PID1: variants seen among roughly 807,000 people sequenced by gnomAD.
PID1 encodes the protein phosphotyrosine interaction domain containing 1, also known as PTB-containing, cubilin and LRP1-interacting protein.
PID1 carries 10 observed loss-of-function variants against 19.1 expected under a neutral mutation model. The ratio of observed to expected loss-of-function variants is 0.52; its 90% CI spans 0.32 to 0.89. The LOEUF (loss-of-function observed/expected upper bound fraction) is 0.89, where lower values mean the gene tolerates loss of function less well. PID1 is among the 40% of genes least tolerant of loss of function. The probability of loss-of-function intolerance (pLI) is 0.03; values close to 1 mark genes in which losing one functional copy is unlikely to be tolerated. For synonymous variants in PID1, 130 were observed against 116.0 expected, an observed-to-expected ratio of 1.12 and a Z score of -0.78; for missense variants, 248 against 285.3, an observed-to-expected ratio of 0.87 and a Z score of 0.94.
At chr2:229,169,526 A>T (rs563236302) in intron 1 of PID1, among the ~76,000 whole-genome samples, 1 of 152,332 alleles carries the variant, frequency 6.6e-6, no homozygotes, top group South Asian at 2.1e-4. Flanking sequence ...TCAGTTAAAA[A>T]TTAATACATT....
intron 1 of PID1, among the ~76,000 whole-genome samples, chr2:229,237,400 T>C (rs1342588235): frequency 1.3e-5 from 2 of 152,326 alleles, no homozygotes; most frequent in East Asian, 1.9e-4. Context: ...CATTCAAGCG[T>C]ATCCCCTATA....
chr2:229,139,504 T>C (rs1689967381), intron 2 of PID1, among the ~76,000 whole-genome samples: 1 of 152,196 alleles, frequency 6.6e-6, no homozygotes, highest in Non-Finnish European at 1.5e-5. Flanking sequence ...TGAACTCTTC[T>C]AGCTGTGAAC....
chr2:229,105,501 C>T (rs953136694), intron 2 of PID1, among the ~76,000 whole-genome samples: 1 of 152,200 alleles, frequency 6.6e-6, no homozygotes, highest in African/African-American at 2.4e-5. Context: ...ATGGGTGGGG[C>T]TAGGGGCAAG....
At chr2:229,108,005 C>T (rs1695213121) in intron 2 of PID1, among the ~76,000 whole-genome samples, 1 of 152,200 alleles carries the variant, frequency 6.6e-6, no homozygotes. Context: ...GTGCAACACA[C>T]ATACACACCG....
intron 1 of PID1, among the ~76,000 whole-genome samples, chr2:229,195,534 CCTA>C (rs1691360233): frequency 6.6e-6 from 1 of 151,696 alleles, no homozygotes; most frequent in Non-Finnish European, 1.5e-5. Flanking sequence ...CACGATGTTC[CCTA>C]CTTTGTTAAT....
Position 229,113,597 on chromosome 2 carries a change from T to TGTGTGTGC in PID1, c.177+42220_177+42221insGCACACAC, listed in dbSNP as rs1491534314. Among the ~76,000 whole-genome samples, 147 of 22,678 alleles carry TGTGTGTGC rather than the reference T, an allele frequency of 6.5e-3. 2 individuals are homozygous for TGTGTGTGC. Among genetic ancestry groups the TGTGTGTGC allele is most frequent in the South Asian group, 0.061 (81 of 1,334 alleles). The allele number at this position is 22,678 out of a possible 152,430, so 14.9% of individuals were successfully genotyped here. On this transcript the variant is annotated intron_variant, in intron 2 of 2. Coordinates refer to ENST00000392055, the MANE Select transcript of PID1 (RefSeq NM_001100818.2). ...ATGTGTGTATGTGTGTATGCATATATGTGTGTGTGTGTGTGTGTGTGTGTG... is the reference window on the plus strand; with the variant it reads ...ATGTGTGTATGTGTGTATGCATATATGTGTGTGCGTGTGTGTGTGTGTGTGTGTGTGTG...
chr2:229,069,178 TGA>T (rs71412192), intron 2 of PID1, among the ~76,000 whole-genome samples: 2,252 of 117,590 alleles, frequency 0.019, 24 homozygotes, highest in Non-Finnish European at 0.024. Context: ...TGTGTGTGTG[TGA>T]GATGAGGGAG....
chr2:229,040,433 GA>G (rs1332006422), intron 2 of PID1, among the ~76,000 whole-genome samples: 2 of 152,034 alleles, frequency 1.3e-5, no homozygotes, highest in African/African-American at 2.4e-5. Flanking sequence ...GAAACCAGAA[GA>G]AAAAAACTGA....
intron 1 of PID1, among the ~76,000 whole-genome samples, chr2:229,265,718 T>A (rs948080965): frequency 6.6e-6 from 1 of 152,192 alleles, no homozygotes; most frequent in Non-Finnish European, 1.5e-5. Flanking sequence ...ATTCACAGAA[T>A]AAAATACCTT....
chr2:229,112,555 A>G (rs1695319390), intron 2 of PID1, among the ~76,000 whole-genome samples: 1 of 152,102 alleles, frequency 6.6e-6, no homozygotes, highest in Admixed American at 6.5e-5. Flanking sequence ...GCGCAATCTC[A>G]GCTCACTGCA....
intron 2 of PID1, among the ~76,000 whole-genome samples, chr2:229,082,520 C>T (rs947732660): frequency 5.3e-5 from 8 of 152,022 alleles, no homozygotes; most frequent in African/African-American, 1.7e-4. Context: ...TTTTAAAAAC[C>T]GAAAATTTTC....
rs1689954629 is a variant in PID1 at position 229,139,138 on chromosome 2, A to AAGCAAGC, written c.177+16679_177+16680insGCTTGCT. 4.3e-5 allele frequency among the ~76,000 whole-genome samples: 5 copies of AAGCAAGC among 116,680 alleles called. 1 individual carries two copies. The South Asian group carries it at 1.2e-3, about 28-fold the overall frequency. 76.5% of individuals were successfully genotyped at this position (116,680 alleles called of 152,430 possible). A position where few individuals can be genotyped will look rare whatever the true frequency, so the allele number is the denominator to read the frequency against. On this transcript the variant is annotated intron_variant, in intron 2 of 2. Coordinates refer to ENST00000392055, the MANE Select transcript of PID1 (RefSeq NM_001100818.2). The stretch of plus-strand genomic sequence containing the variant: ...AAGAGAAAGAAAGAAAGAAAGAAAG[A>AAGCAAGC]AAGAAAGAAAGCAAGCGAGCGAGCA...
At chr2:229,137,941 G>A (rs1057475273) in intron 2 of PID1, among the ~76,000 whole-genome samples, 6 of 152,132 alleles carry the variant, frequency 3.9e-5, no homozygotes, top group South Asian at 2.1e-4. Flanking sequence ...AGTTCCCTAC[G>A]TAGAACAGGT....
intron 1 of PID1, among the ~76,000 whole-genome samples, chr2:229,214,314 G>A (rs374821699): frequency 2.0e-5 from 3 of 152,064 alleles, no homozygotes; most frequent in Admixed American, 6.5e-5. Context: ...GCTCTTGACC[G>A]AGAGCCTGGA....
chr2:229,030,608 CT>C (rs1482949048), intron 2 of PID1, among the ~76,000 whole-genome samples: 2 of 151,814 alleles, frequency 1.3e-5, no homozygotes, highest in Non-Finnish European at 2.9e-5. Flanking sequence ...TGATATTTTT[CT>C]AAAAATTGCA....
chr2:229,148,133 TA>T (rs1334149388), intron 2 of PID1, among the ~76,000 whole-genome samples: 1 of 152,172 alleles, frequency 6.6e-6, no homozygotes, highest in Non-Finnish European at 1.5e-5. Context: ...TAATTCCTAG[TA>T]TGAAAAGATT....
rs186900437 is a variant in PID1 at position 229,171,812 on chromosome 2, C to T, written c.31-15848G>A. Among the ~76,000 whole-genome samples, 41 of 152,312 alleles carry T rather than the reference C, an allele frequency of 2.7e-4. 2 individuals carry two copies. The highest frequency in any genetic ancestry group is 2.4e-3 in the Admixed American group (36 of 15,302). On this transcript the variant is annotated intron_variant, in intron 1 of 2. Coordinates refer to ENST00000392055, the MANE Select transcript of PID1 (RefSeq NM_001100818.2). ...CATACTGTTCACATCTTGCCTCACTCCCTTCTGTTGCTTGACTATATACCA... is the reference window on the plus strand; with the variant it reads ...CATACTGTTCACATCTTGCCTCACTTCCTTCTGTTGCTTGACTATATACCA...
chr2:229,122,551 C>T (rs1266971338), intron 2 of PID1, among the ~76,000 whole-genome samples: 1 of 152,050 alleles, frequency 6.6e-6, no homozygotes, highest in Non-Finnish European at 1.5e-5. Context: ...AAGACCACAC[C>T]AAGGCAGGCA....
At chr2:229,230,502 T>C (rs916545333) in intron 1 of PID1, among the ~76,000 whole-genome samples, 4 of 152,238 alleles carry the variant, frequency 2.6e-5, no homozygotes, top group Non-Finnish European at 4.4e-5. Flanking sequence ...TGGAAGTTCT[T>C]CTGTGAATAA....
Sources: gnomAD v4.1 joint callset for allele counts (sites outside exome capture counted in the v4.1 genomes callset) on GRCh38, gnomAD v4.1.1 for gene constraint, MANE v1.5 for transcripts, NCBI Gene and HGNC (gene_info 2026-07-23, HGNC 2026-07-21) for gene names.